The following TNS3 variants were observed in gnomAD, a reference collection of about 807,000 sequenced individuals.
TNS3 encodes the protein tensin 3.
TNS3 carries 45 observed loss-of-function variants against 140.9 expected under a neutral mutation model. That is an observed-to-expected ratio of 0.32 (90% CI 0.25 to 0.41). The LOEUF (loss-of-function observed/expected upper bound fraction) is 0.41. Ranked by LOEUF, TNS3 falls within the 10% of genes least tolerant of loss-of-function variation. The pLI, the probability that TNS3 is intolerant of heterozygous loss-of-function variation, is 1.00. For synonymous variants in TNS3, 815 were observed against 788.4 expected (o/e 1.03, Z -0.56); for missense variants, 1,716 against 1,906.7 (o/e 0.90, Z 1.86).
At chr7:47,502,927 A>G (rs1798280165) in intron 3 of TNS3, among the ~76,000 whole-genome samples, 1 of 152,138 alleles carries the variant, frequency 6.6e-6, no homozygotes, top group Non-Finnish European at 1.5e-5. Context: ...AGCAAGCTGG[A>G]CCTTCGCAGC....
chr7:47,280,550 T>C (rs1785090089), intron 28 of TNS3, among the ~76,000 whole-genome samples, 196 bp from the exon 29 acceptor site: 1 of 152,170 alleles, frequency 6.6e-6, no homozygotes. Flanking sequence ...GCAGAACAGT[T>C]GTTACCAGTA....
At chr7:47,339,879 T>C (rs1273608701) in intron 20 of TNS3, among the ~76,000 whole-genome samples, 1 of 151,040 alleles carries the variant, frequency 6.6e-6, no homozygotes, top group African/African-American at 2.4e-5. Flanking sequence ...ATTGTGCAGT[T>C]TTCAGCACAG....
At chr7:47,323,782 T>C (rs1787880863) in intron 20 of TNS3, among the ~76,000 whole-genome samples, 2 of 152,206 alleles carry the variant, frequency 1.3e-5, no homozygotes, top group Non-Finnish European at 1.5e-5. Flanking sequence ...ACAAGTTATG[T>C]ATATACCAAG....
chr7:47,458,675 C>A (rs761048380), intron 4 of TNS3, among the ~76,000 whole-genome samples: 1 of 152,224 alleles, frequency 6.6e-6, no homozygotes, highest in East Asian at 1.9e-4. Flanking sequence ...GTCCCCCCAT[C>A]CCTTCCCGCA....
At chr7:47,485,169 A>G (rs1243275363) in intron 3 of TNS3, among the ~76,000 whole-genome samples, 4 of 152,216 alleles carry the variant, frequency 2.6e-5, no homozygotes, top group Non-Finnish European at 5.9e-5. Flanking sequence ...CTGCTCTGTA[A>G]CATGATGCTG....
intron 13 of TNS3, among the ~76,000 whole-genome samples, chr7:47,410,393 T>C (rs1364053082): frequency 6.6e-6 from 1 of 152,204 alleles, no homozygotes; most frequent in Non-Finnish European, 1.5e-5. Flanking sequence ...ATAAAGTGCT[T>C]ACTCAATGCC....
intron 27 of TNS3, among the ~76,000 whole-genome samples, chr7:47,291,003 A>G (rs570963323): frequency 3.3e-5 from 5 of 152,260 alleles, no homozygotes; most frequent in Non-Finnish European, 7.3e-5. Flanking sequence ...CTGCTAAAAA[A>G]AAATGAGCTA....
At chr7:47,456,756 T>C (rs1308132625) in intron 4 of TNS3, among the ~76,000 whole-genome samples, 1 of 151,894 alleles carries the variant, frequency 6.6e-6, no homozygotes, top group South Asian at 2.1e-4. Flanking sequence ...CCACGAGACA[T>C]TCGCTGCCCC....
At chr7:47,557,159 G>A (rs1398084603) in intron 1 of TNS3, 1 of 456,680 alleles carries the variant, frequency 2.2e-6, no homozygotes, top group Non-Finnish European at 4.4e-6. Flanking sequence ...TCCTGCAAAT[G>A]TCCAGGGTCA....
In TNS3 at chr7:47,368,649, T is replaced by C; in HGVS notation, c.1997A>G (p.Lys666Arg). 6.2e-7 allele frequency: 1 copy of C among 1,601,400 alleles called. No individual in the cohort carries two copies. The highest frequency in any genetic ancestry group is 8.5e-7 in the Non-Finnish European group (1 of 1,173,882). Reference sequence around the variant, plus strand: ...AACCTGGTCTCCTGGAAACCTGGGTTTGAACGCTTTGCTGGGAGAGGGCTG... The same window carrying C: ...AACCTGGTCTCCTGGAAACCTGGGTCTGAACGCTTTGCTGGGAGAGGGCTG... ...TQQPSPSKAF[K>R]PRFPGDQVVN... The change falls in exon 17 of 31, where the codon AAA becomes AGA. Residue 666 changes from lysine to arginine, a missense_variant. Lys to Arg is a conservative substitution (Grantham distance 26, BLOSUM62 2). Transcript: ENST00000311160.
At position 47,407,631 on chromosome 7, in the gene TNS3, G is replaced by A. The variant is rs775099240; in HGVS notation, c.723+4096C>T. Among the ~76,000 whole-genome samples the A allele has an allele frequency of 6.6e-6, 1 of 152,210 alleles. No homozygotes were observed. Among genetic ancestry groups the A allele is most frequent in the Non-Finnish European group, 1.5e-5 (1 of 68,028 alleles). On this transcript the variant is annotated intron_variant, in intron 13 of 30. Transcript: ENST00000311160. This position sits in a 1 kb window ranked among gnomAD's most constrained non-coding sequence, Gnocchi z 4.1. ...GTCCTTCCAAAATCCATAAGTTGAA[G>A]GTCTCAGCACTTCAGCATAGGGCTG...
rs1471212666 is a variant in TNS3 at position 47,362,870 on chromosome 7, ACAT to A, written c.2281+5492_2281+5494del. On this transcript the variant is annotated intron_variant, in intron 17 of 30. Coordinates refer to ENST00000311160, the MANE Select transcript of TNS3 (RefSeq NM_022748.12). ...ATCACCATCACCATTACCACCATCA[ACAT>A]CATCACAGTCATCACCATCACCATC... 1.0e-3 allele frequency among the ~76,000 whole-genome samples: 122 copies of A among 121,744 alleles called. 1 individual carries two copies. The highest frequency in any genetic ancestry group is 3.6e-3 in the African/African-American group (119 of 33,416). 79.9% of individuals were successfully genotyped at this position (121,744 alleles called of 152,430 possible). A position where few individuals can be genotyped will look rare whatever the true frequency, so the allele number is the denominator to read the frequency against.
intron 3 of TNS3, among the ~76,000 whole-genome samples, chr7:47,494,078 A>G (rs1797913295): frequency 6.6e-6 from 1 of 152,200 alleles, no homozygotes; most frequent in Admixed American, 6.5e-5. Flanking sequence ...ATTCCATGAA[A>G]CCTAAACTGG....
chr7:47,431,608 C>G (rs1432377343), intron 8 of TNS3, among the ~76,000 whole-genome samples: 1 of 152,054 alleles, frequency 6.6e-6, no homozygotes, highest in Non-Finnish European at 1.5e-5. Context: ...CAAAACAAAA[C>G]ACAAAACCTA....
At chr7:47,281,515 G>A (rs1033861401) in intron 28 of TNS3, among the ~76,000 whole-genome samples, 9 of 152,232 alleles carry the variant, frequency 5.9e-5, no homozygotes, top group African/African-American at 2.2e-4. Flanking sequence ...GGCAGAGCCT[G>A]GGTGTGCTTC....
Position 47,424,170 on chromosome 7 carries a change from A to G in TNS3, c.404T>C (p.Leu135Pro). Residue 135 changes from leucine to proline, a missense_variant, in exon 10 of 31, where the codon CTT (leucine) becomes CCT (proline). Leu to Pro is a moderately conservative substitution (Grantham distance 98). Around this residue, in one of 3 missense-constraint regions of TNS3, gnomAD observed 337 missense variants for 428.9 expected, o/e 0.79. Transcript: ENST00000311160. ...AAACTTCTTCATTGCAAACCTGTCA[A>G]GGGCCTGGTCGGCGCTGAAGGGGAG... ...TNVSASADQA[L>P]DRFAMKKFYD... is the part of the protein sequence containing the mutation. The G allele has an allele frequency of 6.2e-7, 1 of 1,614,194 alleles. No individual in the cohort carries two copies. The highest frequency in any genetic ancestry group is 1.3e-5 in the African/African-American group (1 of 75,066).
At chr7:47,571,223 C>T (rs1584866771) in intron 1 of TNS3, among the ~76,000 whole-genome samples, 1 of 152,224 alleles carries the variant, frequency 6.6e-6, no homozygotes, top group African/African-American at 2.4e-5. Context: ...ACCTCGGGTA[C>T]ACAGTGTCGA....
intron 28 of TNS3, among the ~76,000 whole-genome samples, chr7:47,282,719 G>A (rs924256960): frequency 3.9e-5 from 6 of 152,148 alleles, no homozygotes; most frequent in African/African-American, 1.4e-4. Context: ...AGTGTCAGGG[G>A]CACTGAACGG....
chr7:47,394,346 C>T (rs1212127126), intron 16 of TNS3, among the ~76,000 whole-genome samples: 1 of 152,204 alleles, frequency 6.6e-6, no homozygotes, highest in Non-Finnish European at 1.5e-5. Flanking sequence ...CAAGGAGCTC[C>T]CTCTCCTCAC....
Sources: allele counts gnomAD v4.1 joint callset (sites outside exome capture counted in the v4.1 genomes callset), GRCh38; gene constraint gnomAD v4.1.1; regional missense constraint gnomAD v4.1.1; non-coding constraint Gnocchi (gnomAD v3.1); transcripts MANE v1.5; gene names NCBI Gene and HGNC (gene_info 2026-07-23, HGNC 2026-07-21).